Variants in CAAP1 observed in about 807,000 individuals in gnomAD.
The protein encoded by CAAP1 is caspase activity and apoptosis inhibitor 1, also known as conserved anti-apoptotic protein.
A neutral mutation model predicts 34.0 loss-of-function variants in CAAP1; 20 were observed. The observed-to-expected ratio is 0.59, with a 90% CI of 0.41 to 0.86. The LOEUF (loss-of-function observed/expected upper bound fraction) is 0.86. Ranked by LOEUF, CAAP1 falls within the 40% of genes least tolerant of loss-of-function variation. CAAP1 has a pLI of 0.00. For synonymous variants in CAAP1, 213 were observed against 166.7 expected (o/e 1.28, Z -2.14); for missense variants, 538 against 450.5 (o/e 1.19, Z -1.76).
At chr9:26,888,410 C>T (rs187150537) in intron 1 of CAAP1, among the ~76,000 whole-genome samples, 70 of 152,302 alleles carry the variant, frequency 4.6e-4, no homozygotes, top group African/African-American at 1.6e-3. Context: ...TTTCCTCCCT[C>T]CTTTATCTAT....
Position 26,873,809 on chromosome 9 carries a change from T to C in CAAP1, c.665+11001A>G, listed in dbSNP as rs537130104. ...TTTTAAAACACTATAAAACTATACA[T>C]GCTAAAGTTTTTAGACAACCCGAAA... On this transcript the variant is annotated intron_variant, in intron 4 of 5. Coordinates refer to ENST00000333916, the MANE Select transcript of CAAP1 (RefSeq NM_024828.4). 2.4e-4 allele frequency among the ~76,000 whole-genome samples: 36 copies of C among 152,326 alleles called. 1 individual carries two copies. In the South Asian group the frequency reaches 6.8e-3, roughly 29 times the overall value.
intron 3 of CAAP1, among the ~76,000 whole-genome samples, chr9:26,885,870 G>A (rs1224799665): frequency 6.6e-6 from 1 of 151,770 alleles, no homozygotes; most frequent in Non-Finnish European, 1.5e-5. Context: ...CATTTTATTA[G>A]TTATACTCTT....
At chr9:26,886,979 G>T (rs1167643859) in intron 2 of CAAP1, among the ~76,000 whole-genome samples, 2 of 152,118 alleles carry the variant, frequency 1.3e-5, no homozygotes, top group African/African-American at 4.8e-5. Context: ...ACCTTGGGAG[G>T]CCAAGGTGGG....
intron 3 of CAAP1, 111 bp from the exon 4 acceptor site, chr9:26,884,996 T>C (rs1823696411): frequency 1.3e-6 from 1 of 783,196 alleles, no homozygotes; most frequent in Non-Finnish European, 2.1e-6. Flanking sequence ...AAGAACTTTA[T>C]ACTGGGTCAA....
At chr9:26,844,499 T>C (rs940013917) in intron 5 of CAAP1, among the ~76,000 whole-genome samples, 1 of 152,216 alleles carries the variant, frequency 6.6e-6, no homozygotes, top group African/African-American at 2.4e-5. Flanking sequence ...TATTTTAAAA[T>C]ACAAATTTTT....
intron 4 of CAAP1, among the ~76,000 whole-genome samples, chr9:26,884,324 G>A (rs1005169833): frequency 2.6e-5 from 4 of 151,974 alleles, no homozygotes; most frequent in Non-Finnish European, 4.4e-5. Flanking sequence ...TTATCATCCC[G>A]ACAGTCAAAT....
At position 26,892,661 on chromosome 9, in the gene CAAP1, C is replaced by G; in HGVS notation, c.55G>C (p.Ala19Pro). ...TCCGGGGCCGCGAGCGCTGCGGCCG[C>G]CTCCTGACTGCTACGTTTGCGCCGT... The part of the protein sequence containing the change: ...EKRRKRSSQE[A>P]AAALAAPDIV... The change falls in exon 1 of 6, where the codon GCG becomes CCG. Residue 19 changes from alanine to proline, a missense_variant. By Grantham distance (27) the Ala-to-Pro change is conservative (BLOSUM62 -1). This residue lies in a region of CAAP1 where 514 missense variants were observed against 408.4 expected (regional missense o/e 1.26). Transcript: ENST00000333916. The G allele has an allele frequency of 1.9e-6, 3 of 1,607,206 alleles. No homozygotes were observed. Among genetic ancestry groups the G allele is most frequent in the Non-Finnish European group, 2.5e-6 (3 of 1,179,114 alleles).
chr9:26,868,879 A>G (rs1237808613), intron 4 of CAAP1, among the ~76,000 whole-genome samples: 1 of 152,256 alleles, frequency 6.6e-6, no homozygotes, highest in African/African-American at 2.4e-5. Context: ...TCTTGCTTGT[A>G]CTCTGCTTCA....
intron 4 of CAAP1, among the ~76,000 whole-genome samples, chr9:26,874,105 G>T (rs1161328001): frequency 6.6e-6 from 1 of 150,406 alleles, no homozygotes; most frequent in Non-Finnish European, 1.5e-5. Flanking sequence ...TGCTCGGGAG[G>T]CTGAGGCAGG....
chr9:26,890,870 G>A (rs1042904632), intron 1 of CAAP1, among the ~76,000 whole-genome samples: 1 of 152,108 alleles, frequency 6.6e-6, no homozygotes, highest in Non-Finnish European at 1.5e-5. Context: ...GCCTGAACCC[G>A]GGAGGCGGAG....
chr9:26,885,807 T>C (rs1160255516), intron 3 of CAAP1, among the ~76,000 whole-genome samples: 1 of 152,064 alleles, frequency 6.6e-6, no homozygotes, highest in Non-Finnish European at 1.5e-5. Context: ...GGGAAATCTT[T>C]GCCTTTCCAA....
intron 4 of CAAP1, among the ~76,000 whole-genome samples, chr9:26,873,428 A>G (rs1213550077): frequency 6.6e-6 from 1 of 152,194 alleles, no homozygotes; most frequent in Non-Finnish European, 1.5e-5. Context: ...TAAAATTCAT[A>G]AAGATATTTA....
intron 5 of CAAP1, among the ~76,000 whole-genome samples, chr9:26,847,115 CA>C (rs1307653287): frequency 7.0e-6 from 1 of 143,268 alleles, no homozygotes; most frequent in Non-Finnish European, 1.5e-5. Context: ...ATATCTTGGT[CA>C]TTTTTTTTCA....
Position 26,880,307 on chromosome 9 carries a change from T to C in CAAP1, c.665+4503A>G, listed in dbSNP as rs551080455. 3.8e-4 allele frequency: 132 copies of C among 345,750 alleles called. 4 individuals carry two copies. The highest frequency in any genetic ancestry group is 2.6e-3 in the African/African-American group (121 of 45,816). 21.4% of individuals were successfully genotyped at this position (345,750 alleles called of 1,614,324 possible). A position where few individuals can be genotyped will look rare whatever the true frequency, so the allele number is the denominator to read the frequency against. Reference sequence around the variant, plus strand: ...TAGCTGCGCTCTGGACGCACTGGTCTGATTTGAAGTCCTGAGCAATTTCTC... The same window carrying C: ...TAGCTGCGCTCTGGACGCACTGGTCCGATTTGAAGTCCTGAGCAATTTCTC... On this transcript the variant is annotated intron_variant, in intron 4 of 5. Transcript: ENST00000333916.
chr9:26,871,677 A>C (rs1205839260), intron 4 of CAAP1, among the ~76,000 whole-genome samples: 1 of 151,908 alleles, frequency 6.6e-6, no homozygotes, highest in East Asian at 1.9e-4. Context: ...TAATCCCAGC[A>C]CTTTGGGAAG....
chr9:26,859,605 A>T (rs1302207181), intron 5 of CAAP1, among the ~76,000 whole-genome samples: 1 of 152,194 alleles, frequency 6.6e-6, no homozygotes, highest in Admixed American at 6.5e-5. Flanking sequence ...CATGAGGTGT[A>T]ATCTAATTAT....
intron 5 of CAAP1, among the ~76,000 whole-genome samples, chr9:26,848,923 T>C (rs1223935338): frequency 1.3e-5 from 2 of 152,242 alleles, no homozygotes; most frequent in Non-Finnish European, 2.9e-5. Context: ...TGTTTTGTTC[T>C]GAAAAATTAT....
intron 5 of CAAP1, among the ~76,000 whole-genome samples, chr9:26,845,205 T>C (rs1368248171): frequency 1.3e-5 from 2 of 152,146 alleles, no homozygotes; most frequent in Non-Finnish European, 2.9e-5. Flanking sequence ...TGTTCCCTGC[T>C]GTTTCCTTGG....
rs990635893 is a variant in CAAP1 at position 26,841,543 on chromosome 9, T to C, written c.*758A>G. On this transcript the variant is annotated 3_prime_UTR_variant, in exon 6 of 6. Coordinates refer to ENST00000333916, the MANE Select transcript of CAAP1 (RefSeq NM_024828.4). ...ATAGCACATCAGATCTTTAAGCAACTACATCAGATAAAATCCTAGATAATA... is the reference window on the plus strand; with the variant it reads ...ATAGCACATCAGATCTTTAAGCAACCACATCAGATAAAATCCTAGATAATA... 10 of 152,584 alleles carry C rather than the reference T, an allele frequency of 6.6e-5. No homozygotes were observed. Among genetic ancestry groups the C allele is most frequent in the Admixed American group, 5.2e-4 (8 of 15,284 alleles). 9.5% of individuals were successfully genotyped at this position (152,584 alleles called of 1,614,324 possible).
Sources: allele counts gnomAD v4.1 joint callset (sites outside exome capture counted in the v4.1 genomes callset), GRCh38; gene constraint gnomAD v4.1.1; regional missense constraint gnomAD v4.1.1; transcripts MANE v1.5; gene names NCBI Gene and HGNC (gene_info 2026-07-23, HGNC 2026-07-21).